Variants in MYLK observed in about 807,000 individuals in gnomAD.
MYLK encodes the protein myosin light chain kinase, also known as myosin light chain kinase, smooth muscle.
A neutral mutation model predicts 203.4 loss-of-function variants in MYLK; 106 were observed. The ratio of observed to expected loss-of-function variants is 0.52; its 90% CI spans 0.45 to 0.61. The LOEUF (loss-of-function observed/expected upper bound fraction) is 0.61. MYLK is among the 20% of genes least tolerant of loss of function. The pLI is 0.00. For synonymous variants in MYLK, 867 were observed against 959.5 expected (o/e 0.90, Z 1.78); for missense variants, 2,072 against 2,442.3 (o/e 0.85, Z 3.20).
At position 123,733,040 on chromosome 3, in the gene MYLK, C is replaced by T; in HGVS notation, c.1372G>A (p.Glu458Lys). 1.9e-6 allele frequency: 3 copies of T among 1,614,164 alleles called. No homozygotes were observed. Among genetic ancestry groups the T allele is most frequent in the Non-Finnish European group, 2.5e-6 (3 of 1,180,020 alleles). The change falls in exon 11 of 34, where the codon GAA (glutamate) becomes AAA (lysine). Residue 458 changes from glutamate (E) to lysine (K), a missense_variant. This residue lies in a region of MYLK where 683 missense variants were observed against 643.8 expected (regional missense o/e 1.06). Transcript: ENST00000360304. The part of the protein sequence containing the change: ...FLEGTPVRRQ[E>K]GSIEVYEDAG... ...TCTTCATAAACCTCAATGCTGCCTT[C>T]CTGTCTCCTCACGGGGGTGCCTTCC...
intron 31 of MYLK, chr3:123,620,570 C>T (rs1038555951): frequency 2.8e-5 from 37 of 1,341,838 alleles, no homozygotes; most frequent in African/African-American, 5.9e-5. Flanking sequence ...CTGATGTGTG[C>T]GTTAATGTGA....
intron 4 of MYLK, among the ~76,000 whole-genome samples, chr3:123,779,847 C>G (rs2064225504): frequency 6.6e-6 from 1 of 152,164 alleles, no homozygotes; most frequent in African/African-American, 2.4e-5. Flanking sequence ...CACACTTCCT[C>G]ATTCCCACAC....
intron 13 of MYLK, among the ~76,000 whole-genome samples, chr3:123,714,204 CAG>C: frequency 6.6e-6 from 1 of 152,266 alleles, no homozygotes; most frequent in South Asian, 2.1e-4. Flanking sequence ...AGCTGAGACT[CAG>C]AGAAAGAAGC....
chr3:123,803,435 T>A (rs2065263780), intron 3 of MYLK, among the ~76,000 whole-genome samples: 1 of 152,176 alleles, frequency 6.6e-6, no homozygotes, highest in Non-Finnish European at 1.5e-5. Flanking sequence ...AGTCAGTGAC[T>A]CTCATGCTTA....
chr3:123,699,998 C>T (rs2061116731), intron 18 of MYLK, 22 bp downstream of exon 18: 1 of 1,613,998 alleles, frequency 6.2e-7, no homozygotes, highest in African/African-American at 1.3e-5. Flanking sequence ...CCCCTTCTTC[C>T]CCAACCCCCA....
At position 123,884,230 on chromosome 3, in the gene MYLK, G is replaced by A. The variant is rs2033716907; in HGVS notation, c.-210C>T. 6.7e-6 allele frequency: 1 copy of A among 150,256 alleles called. No homozygotes were observed. The highest frequency in any genetic ancestry group is 2.0e-4 in the East Asian group (1 of 5,122). 9.3% of individuals were successfully genotyped at this position (150,256 alleles called of 1,614,324 possible). A position where few individuals can be genotyped will look rare whatever the true frequency, so the allele number is the denominator to read the frequency against. On this transcript the variant is annotated 5_prime_UTR_variant, in exon 1 of 34. Transcript: ENST00000360304. ...CCCGCGCGGCGAAGGCGGCCCGGGA[G>A]CCGGGGCACCGGCGCTCGGCGGGGC... is the stretch of plus-strand genomic sequence containing the variant.
intron 3 of MYLK, chr3:123,814,044 A>G (rs1027265507): frequency 3.6e-5 from 8 of 220,226 alleles, no homozygotes; most frequent in Non-Finnish European, 6.6e-5. Flanking sequence ...CTAAGTCTAG[A>G]CACAAGACAT....
At chr3:123,733,477 G>A (rs915487793) in intron 10 of MYLK, among the ~76,000 whole-genome samples, 4 of 152,300 alleles carry the variant, frequency 2.6e-5, no homozygotes, top group Admixed American at 2.6e-4. Flanking sequence ...GCAAACAACA[G>A]GCTACTGTTA....
chr3:123,717,683 C>T (rs1216095000), intron 13 of MYLK, among the ~76,000 whole-genome samples: 1 of 152,168 alleles, frequency 6.6e-6, no homozygotes, highest in Non-Finnish European at 1.5e-5. Context: ...TACTGTATTT[C>T]AGATATTCCT....
intron 3 of MYLK, among the ~76,000 whole-genome samples, chr3:123,820,644 C>T (rs113886996): frequency 0.077 from 1,996 of 25,756 alleles, 29 homozygotes; most frequent in East Asian, 0.14. Context: ...CCTTCCTTCC[C>T]TCCTTCCTTC....
intron 33 of MYLK, chr3:123,616,937 T>G (rs1048895296): frequency 1.3e-5 from 2 of 152,202 alleles, no homozygotes; most frequent in African/African-American, 4.8e-5. Context: ...ATATGAGCCC[T>G]AACCAGAATA....
intron 2 of MYLK, among the ~76,000 whole-genome samples, chr3:123,846,514 G>C (rs2030025382): frequency 6.6e-6 from 1 of 151,910 alleles, no homozygotes; most frequent in Non-Finnish European, 1.5e-5. Flanking sequence ...ATTTTTTGCT[G>C]CAATGAACAC....
chr3:123,708,132 T>C, intron 15 of MYLK, 129 bp from the exon 16 acceptor site: 1 of 1,321,058 alleles, frequency 7.6e-7, no homozygotes, highest in Non-Finnish European at 1.1e-6. Flanking sequence ...CAGAAATCAC[T>C]GTGATTGGAT....
At chr3:123,663,534 C>T (rs777765375) in intron 23 of MYLK, among the ~76,000 whole-genome samples, 4 of 152,088 alleles carry the variant, frequency 2.6e-5, no homozygotes, top group Non-Finnish European at 5.9e-5. Context: ...GTTATTAATG[C>T]CTGTGCATCT....
At chr3:123,853,920 C>A (rs1377180917) in intron 2 of MYLK, among the ~76,000 whole-genome samples, 1 of 152,072 alleles carries the variant, frequency 6.6e-6, no homozygotes, top group Non-Finnish European at 1.5e-5. Flanking sequence ...CTTTGACTAA[C>A]AGGACATTAG....
intron 2 of MYLK, among the ~76,000 whole-genome samples, chr3:123,866,464 C>T (rs560516139): frequency 3.9e-5 from 6 of 152,198 alleles, no homozygotes; most frequent in African/African-American, 1.4e-4. Context: ...TCCTTGCCCT[C>T]AAGGAGCTTA....
intron 5 of MYLK, 59 bp from the exon 6 acceptor site, chr3:123,740,060 A>G (rs749622893): frequency 3.8e-6 from 6 of 1,568,440 alleles, no homozygotes; most frequent in Admixed American, 3.3e-5. Flanking sequence ...CAATGAAAGT[A>G]AAAAGATTCA....
chr3:123,865,150 G>A (rs866743174), intron 2 of MYLK, among the ~76,000 whole-genome samples: 11 of 152,148 alleles, frequency 7.2e-5, no homozygotes, highest in African/African-American at 2.7e-4. Context: ...CATGTACTCT[G>A]CTGCTCAACA....
intron 16 of MYLK, among the ~76,000 whole-genome samples, chr3:123,706,470 G>A (rs766449917): frequency 5.9e-5 from 9 of 152,080 alleles, no homozygotes; most frequent in Non-Finnish European, 1.0e-4. Flanking sequence ...TCAGGCACCC[G>A]GGCCAGGACA....
Sources: gnomAD v4.1 joint callset for allele counts (sites outside exome capture counted in the v4.1 genomes callset) on GRCh38, gnomAD v4.1.1 for gene constraint, gnomAD v4.1.1 regional missense constraint, MANE v1.5 for transcripts, NCBI Gene and HGNC (gene_info 2026-07-23, HGNC 2026-07-21) for gene names.